PDE11A: variants seen among roughly 807,000 people sequenced by gnomAD.
PDE11A encodes dual 3',5'-cyclic-AMP and -GMP phosphodiesterase 11A.
Under a neutral mutation model 100.5 loss-of-function variants are expected in PDE11A, and 100 were observed. That is an observed-to-expected ratio of 1.00 (90% confidence interval 0.85 to 1.18). The LOEUF (loss-of-function observed/expected upper bound fraction) is 1.18. Among genes scored for constraint, PDE11A ranks in the 50% most tolerant of loss-of-function variants. The pLI is 0.00. For synonymous variants in PDE11A, 381 were observed against 420.8 expected, an observed-to-expected ratio of 0.91 and a Z score of 1.16; for missense variants, 1,141 against 1,152.6, an observed-to-expected ratio of 0.99 and a Z score of 0.15.
intron 19 of PDE11A, among the ~76,000 whole-genome samples, chr2:177,662,168 GATAAGCCCTAAAGGAT>G (rs2080494030): frequency 6.6e-6 from 1 of 152,144 alleles, no homozygotes; most frequent in African/African-American, 2.4e-5. Context: ...GGAAGCATAA[GATAAGCCCTAAAGGAT>G]TGTCAATCAG....
chr2:177,862,306 G>T (rs1176101807), intron 5 of PDE11A, among the ~76,000 whole-genome samples: 1 of 151,792 alleles, frequency 6.6e-6, no homozygotes, highest in African/African-American at 2.4e-5. Flanking sequence ...ATGAAAAGAT[G>T]CATAACATTG....
At chr2:178,101,115 G>A (rs934015046) in intron 2 of PDE11A, among the ~76,000 whole-genome samples, 3 of 152,154 alleles carry the variant, frequency 2.0e-5, no homozygotes, top group African/African-American at 7.2e-5. Context: ...TCAGACACCA[G>A]CTGCAAGCTC....
At chr2:177,642,679 C>T (rs1260243334) in intron 19 of PDE11A, among the ~76,000 whole-genome samples, 2 of 152,136 alleles carry the variant, frequency 1.3e-5, no homozygotes, top group Non-Finnish European at 2.9e-5. Context: ...CTGGGAGGTG[C>T]ATTCTCTTGC....
intron 4 of PDE11A, among the ~76,000 whole-genome samples, chr2:177,882,237 T>C (rs566687364): frequency 6.6e-6 from 1 of 152,346 alleles, no homozygotes; most frequent in East Asian, 1.9e-4. Context: ...AGACAACTTA[T>C]ATTTTTAAAA....
chr2:177,839,700 T>C lies in PDE11A; in HGVS notation c.1500+551A>G, dbSNP rs184253105. Among the ~76,000 whole-genome samples the C allele has an allele frequency of 7.3e-4, 111 of 152,318 alleles. 2 individuals are homozygous for C. In the East Asian group the frequency reaches 0.019, roughly 26 times the overall value. On this transcript the variant is annotated intron_variant, in intron 6 of 19. Coordinates refer to ENST00000286063, the MANE Select transcript of PDE11A (RefSeq NM_016953.4). ...ACAATCTTCAATAGGAAACCTTGTA[T>C]TTAATGAATGTGTATATTCAATATG...
chr2:177,853,680 ATGTG>A lies in PDE11A; in HGVS notation c.1368-13301_1368-13298del, dbSNP rs1212022176. Among the ~76,000 whole-genome samples, 46 of 36,502 alleles carry A rather than the reference ATGTG, an allele frequency of 1.3e-3. 1 individual carries two copies. Among genetic ancestry groups the A allele is most frequent in the African/African-American group, 3.4e-3 (37 of 10,866 alleles). The allele number at this position is 36,502 out of a possible 152,430, so 23.9% of individuals were successfully genotyped here. A position where few individuals can be genotyped will look rare whatever the true frequency, so the allele number is the denominator to read the frequency against. On this transcript the variant is annotated intron_variant, in intron 5 of 19. Coordinates refer to ENST00000286063, the MANE Select transcript of PDE11A (RefSeq NM_016953.4). ...TATATATATATATATATATATATAT[ATGTG>A]TGTGTGTGTGTGTGTGTGTGTGTGT...
chr2:177,875,804 G>T, intron 5 of PDE11A, 55 bp downstream of exon 5: 2 of 1,118,834 alleles, frequency 1.8e-6, no homozygotes, highest in Non-Finnish European at 1.4e-6. Flanking sequence ...ATGCAATGCT[G>T]CTAACACCAA....
intron 15 of PDE11A, among the ~76,000 whole-genome samples, chr2:177,684,620 A>C (rs944097855): frequency 2.6e-5 from 4 of 152,216 alleles, no homozygotes; most frequent in African/African-American, 9.6e-5. Flanking sequence ...TGAGTAGGTT[A>C]CTTAACCTTG....
intron 14 of PDE11A, among the ~76,000 whole-genome samples, chr2:177,700,236 T>C (rs1458911666): frequency 2.0e-5 from 3 of 152,166 alleles, no homozygotes; most frequent in Admixed American, 2.0e-4. Context: ...CTCCATGATA[T>C]TGCAAAAGAC....
intron 19 of PDE11A, among the ~76,000 whole-genome samples, chr2:177,642,285 G>A (rs966110214): frequency 6.6e-6 from 1 of 152,174 alleles, no homozygotes. Flanking sequence ...GCAAGTAAGA[G>A]GCAGAGTCAC....
At chr2:178,094,475 T>C (rs561709305) in intron 2 of PDE11A, among the ~76,000 whole-genome samples, 1 of 152,192 alleles carries the variant, frequency 6.6e-6, no homozygotes, top group African/African-American at 2.4e-5. Flanking sequence ...AAGGCTGCAA[T>C]GAGCTGAGAT....
intron 15 of PDE11A, among the ~76,000 whole-genome samples, chr2:177,681,910 A>T (rs770532843): frequency 2.0e-5 from 3 of 152,262 alleles, no homozygotes; most frequent in Non-Finnish European, 2.9e-5. Flanking sequence ...TATTTATTTG[A>T]CATATTTTGA....
At chr2:177,922,723 A>G (rs2085071276) in intron 2 of PDE11A, 1 of 985,420 alleles carries the variant, frequency 1.0e-6, no homozygotes, top group Non-Finnish European at 1.2e-6. Flanking sequence ...TGGCTGTTCC[A>G]TGGCTTCCTA....
intron 10 of PDE11A, among the ~76,000 whole-genome samples, chr2:177,758,929 C>T (rs1184474736): frequency 1.3e-5 from 2 of 152,176 alleles, no homozygotes; most frequent in Admixed American, 1.3e-4. Context: ...TATTATATCT[C>T]GATATTACTT....
intron 12 of PDE11A, among the ~76,000 whole-genome samples, chr2:177,718,052 T>C (rs2081468869): frequency 6.6e-6 from 1 of 152,200 alleles, no homozygotes. Flanking sequence ...TTAAGAAGTG[T>C]CATTAAGTGC....
At chr2:177,968,311 T>C (rs923555221) in intron 2 of PDE11A, among the ~76,000 whole-genome samples, 3 of 152,356 alleles carry the variant, frequency 2.0e-5, no homozygotes, top group Admixed American at 2.0e-4. Flanking sequence ...TTCCCTGTGG[T>C]TCTCAAAGCA....
intron 4 of PDE11A, among the ~76,000 whole-genome samples, chr2:177,881,252 A>G (rs2084330249): frequency 6.6e-6 from 1 of 152,208 alleles, no homozygotes; most frequent in African/African-American, 2.4e-5. Flanking sequence ...GCTTGCAGAC[A>G]GTAAACTGTG....
intron 12 of PDE11A, among the ~76,000 whole-genome samples, chr2:177,725,586 C>T (rs1453526479): frequency 5.9e-5 from 9 of 152,108 alleles, no homozygotes; most frequent in Admixed American, 5.9e-4. Flanking sequence ...AACAATGCTG[C>T]TCTTCAAGAT....
intron 2 of PDE11A, among the ~76,000 whole-genome samples, chr2:177,991,464 T>C (rs1243623297): frequency 6.7e-6 from 1 of 150,360 alleles, no homozygotes; most frequent in Non-Finnish European, 1.5e-5. Flanking sequence ...TGAAACCCCA[T>C]CTCTACTAAA....
Sources: gnomAD v4.1 joint callset for allele counts (sites outside exome capture counted in the v4.1 genomes callset) on GRCh38, gnomAD v4.1.1 for gene constraint, MANE v1.5 for transcripts, NCBI Gene and HGNC (gene_info 2026-07-23, HGNC 2026-07-21) for gene names.